HADHA: variants seen among roughly 807,000 people sequenced by gnomAD.
HADHA encodes hydroxyacyl-CoA dehydrogenase trifunctional multienzyme complex subunit alpha.
HADHA carries 59 observed loss-of-function variants against 91.3 expected under a neutral mutation model. That is an observed-to-expected ratio of 0.65 (90% CI 0.52 to 0.80). The LOEUF is 0.80. Ranked by LOEUF, HADHA falls within the 30% of genes least tolerant of loss-of-function variation. HADHA has a pLI of 0.00. For synonymous variants in HADHA, 320 were observed against 338.9 expected, an observed-to-expected ratio of 0.94 and a Z score of 0.61; for missense variants, 800 against 927.6, an observed-to-expected ratio of 0.86 and a Z score of 1.79.
rs1670068048 is a variant in HADHA, at chr2:26,210,285, A to G, written c.976-396T>C. Among the ~76,000 whole-genome samples, 1 of 152,198 alleles carries G rather than the reference A, an allele frequency of 6.6e-6. No individual in the cohort carries two copies. Among genetic ancestry groups the G allele is most frequent in the African/African-American group, 2.4e-5 (1 of 41,456 alleles). On this transcript the variant is annotated intron_variant, in intron 10 of 19. Coordinates refer to ENST00000380649, the MANE Select transcript of HADHA (RefSeq NM_000182.5). The surrounding 1 kb of genome is among the most constrained non-coding windows in gnomAD (Gnocchi z 4.0). The stretch of plus-strand genomic sequence containing the variant: ...CCAAAGAAATGGAGTGACTTTGCTC[A>G]AGGCTATACTGCCTCAAAGTGGCAG...
At chr2:26,208,266 T>C (rs1233018441) in intron 11 of HADHA, among the ~76,000 whole-genome samples, 3 of 152,178 alleles carry the variant, frequency 2.0e-5, no homozygotes, top group African/African-American at 7.2e-5. Flanking sequence ...AACTTCAGTA[T>C]TCTGATTCTC....
chr2:26,218,108 C>T (rs952858706), intron 7 of HADHA, among the ~76,000 whole-genome samples: 1 of 151,956 alleles, frequency 6.6e-6, no homozygotes, highest in African/African-American at 2.4e-5. Flanking sequence ...GAGTTCAAGA[C>T]CAGCCTGGCC....
At chr2:26,230,431 A>G in intron 6 of HADHA, 137 bp from the exon 7 acceptor site, 1 of 693,886 alleles carries the variant, frequency 1.4e-6, no homozygotes, top group Non-Finnish European at 2.6e-6. Flanking sequence ...TCAACAGCAT[A>G]GATAAGTTAT....
intron 10 of HADHA, 88 bp downstream of exon 10, chr2:26,212,482 T>C (rs180926415): frequency 4.3e-6 from 4 of 935,994 alleles, no homozygotes; most frequent in Non-Finnish European, 7.1e-6. Flanking sequence ...GCTTTGGATA[T>C]TTTTTTCCTT....
intron 7 of HADHA, among the ~76,000 whole-genome samples, chr2:26,220,552 G>C (rs1381635205): frequency 4.6e-5 from 7 of 152,214 alleles, no homozygotes; most frequent in African/African-American, 1.7e-4. Flanking sequence ...AATGACAGTG[G>C]ATTACTGTAC....
At chr2:26,205,430 TG>T (rs1179983361) in intron 11 of HADHA, among the ~76,000 whole-genome samples, 1 of 151,926 alleles carries the variant, frequency 6.6e-6, no homozygotes, top group Non-Finnish European at 1.5e-5. Flanking sequence ...ATATGGTGAG[TG>T]ATAAGTAATT....
chr2:26,212,995 AAATTC>A (rs1406582059), intron 9 of HADHA, among the ~76,000 whole-genome samples: 1 of 152,228 alleles, frequency 6.6e-6, no homozygotes, highest in African/African-American at 2.4e-5. Context: ...GAACTCTACA[AAATTC>A]AATGTAACAT....
chr2:26,228,441 A>G (rs1218800455), intron 7 of HADHA, among the ~76,000 whole-genome samples: 1 of 152,100 alleles, frequency 6.6e-6, no homozygotes, highest in African/African-American at 2.4e-5. Flanking sequence ...ACGCCCACAT[A>G]AAGACTTAAA....
At position 26,193,604 on chromosome 2, in the gene HADHA, T is replaced by G. The variant is rs1408984132; in HGVS notation, c.1858A>C (p.Thr620Pro). 1.2e-6 allele frequency: 2 copies of G among 1,613,994 alleles called. No homozygotes were observed. The highest frequency in any genetic ancestry group is 2.2e-5 in the South Asian group (2 of 91,082). ...AGGAAGCCCTTGGACACCATCTGTG[T>G]CAGCAGTTCTGGGTTTCCACCTCCA... ...RFGGGNPELL[T>P]QMVSKGFLGR... Residue 620 changes from threonine to proline, a missense_variant, in exon 17 of 20, where the codon ACA becomes CCA. Transcript: ENST00000380649.
intron 11 of HADHA, among the ~76,000 whole-genome samples, chr2:26,206,694 A>G (rs1669980560): frequency 6.6e-6 from 1 of 152,218 alleles, no homozygotes; most frequent in Non-Finnish European, 1.5e-5. Flanking sequence ...CTTTACAGAG[A>G]TGGACTTATA....
At chr2:26,206,894 G>T (rs921992169) in intron 11 of HADHA, among the ~76,000 whole-genome samples, 28 of 152,112 alleles carry the variant, frequency 1.8e-4, no homozygotes, top group African/African-American at 6.3e-4. Flanking sequence ...TTCCTTTTAT[G>T]TTAAAACATA....
intron 3 of HADHA, 134 bp from the exon 4 acceptor site, chr2:26,237,122 A>G (rs1332804004): frequency 2.6e-6 from 2 of 763,776 alleles, no homozygotes; most frequent in Middle Eastern, 2.6e-4. Context: ...AGAGTAAGAA[A>G]TATCATTCTC....
In HADHA at chr2:26,244,533, G is replaced by T. The variant is rs1300516636; in HGVS notation, c.64C>A (p.Arg22=). 4 of 1,579,722 alleles carry T rather than the reference G, an allele frequency of 2.5e-6. No homozygotes were observed. In the East Asian group the frequency reaches 9.3e-5, roughly 37 times the overall value. The change falls in exon 1 of 20, where the codon CGA becomes AGA. Residue 22 remains arginine, a synonymous_variant. Transcript: ENST00000380649. Reference sequence around the variant, plus strand: ...GATGCCCTCGGCCAGGCCTCACCTCGGGAGCGGAGGATCCTGAAGGCAGAA... The same window carrying T: ...GATGCCCTCGGCCAGGCCTCACCTCTGGAGCGGAGGATCCTGAAGGCAGAA... ...RFSAFRILRS[R]GYICRNFTGS... is the part of the protein sequence containing the mutation.
intron 7 of HADHA, among the ~76,000 whole-genome samples, chr2:26,219,427 A>G (rs1282850125): frequency 6.6e-6 from 1 of 152,202 alleles, no homozygotes; most frequent in African/African-American, 2.4e-5. Flanking sequence ...TGCCCGGCCA[A>G]TAAAAAATTA....
chr2:26,214,949 G>A lies in HADHA; in HGVS notation c.799+104C>T. On this transcript the variant is annotated intron_variant, in intron 8 of 19. Transcript: ENST00000380649. This position sits in a 1 kb window ranked among gnomAD's most constrained non-coding sequence, Gnocchi z 4.1. ...CTACCTAAGGCTGACTTTATGCTTTGAGTAAATAATGCATTTACCACTTCC... is the reference window on the plus strand; with the variant it reads ...CTACCTAAGGCTGACTTTATGCTTTAAGTAAATAATGCATTTACCACTTCC... 9.5e-7 allele frequency: 1 copy of A among 1,055,454 alleles called. No homozygotes were observed. 65.4% of individuals were successfully genotyped at this position (1,055,454 alleles called of 1,614,324 possible).
chr2:26,209,996 T>C, intron 10 of HADHA, 107 bp from the exon 11 acceptor site: 2 of 761,180 alleles, frequency 2.6e-6, no homozygotes, highest in Non-Finnish European at 4.8e-6. Flanking sequence ...ATGTGAAGCC[T>C]GAGTCCCTGG....
chr2:26,234,030 A>G (rs1212791167), intron 5 of HADHA, among the ~76,000 whole-genome samples, 187 bp downstream of exon 5: 1 of 152,176 alleles, frequency 6.6e-6, no homozygotes, highest in Non-Finnish European at 1.5e-5. Context: ...GCAGTGAGCC[A>G]AGATCGTGCC....
chr2:26,193,461 G>A (rs1669571207), intron 17 of HADHA, 116 bp downstream of exon 17: 2 of 888,962 alleles, frequency 2.2e-6, no homozygotes, highest in South Asian at 2.6e-5. Flanking sequence ...CCAGTGATAA[G>A]GGCTCTGTGT....
chr2:26,208,132 G>C (rs1459106189), intron 11 of HADHA, among the ~76,000 whole-genome samples: 7 of 152,078 alleles, frequency 4.6e-5, no homozygotes, highest in South Asian at 4.1e-4. Flanking sequence ...CTGAGTTTTT[G>C]AATTTTTGAT....
Sources: gnomAD v4.1 joint callset for allele counts (sites outside exome capture counted in the v4.1 genomes callset) on GRCh38, gnomAD v4.1.1 for gene constraint, Gnocchi (gnomAD v3.1) non-coding constraint, MANE v1.5 for transcripts, NCBI Gene and HGNC (gene_info 2026-07-23, HGNC 2026-07-21) for gene names.